Variants in SLIT3 observed in about 807,000 individuals in gnomAD.
SLIT3 encodes the protein slit homolog 3 protein.
A neutral mutation model predicts 184.0 loss-of-function variants in SLIT3; 68 were observed. The ratio of observed to expected loss-of-function variants is 0.37; its 90% CI spans 0.30 to 0.45. SLIT3 has a LOEUF of 0.45. Among genes scored for constraint, SLIT3 ranks in the 20% least tolerant of loss-of-function variants. SLIT3 has a pLI of 1.00. For missense variants in SLIT3, 1,707 were observed against 2,026.0 expected, an observed-to-expected ratio of 0.84 and a Z score of 3.02; for synonymous variants, 831 against 828.6, an observed-to-expected ratio of 1.00 and a Z score of -0.05.
chr5:168,810,420 C>A (rs1757122035), intron 8 of SLIT3, among the ~76,000 whole-genome samples: 1 of 152,154 alleles, frequency 6.6e-6, no homozygotes, highest in Non-Finnish European at 1.5e-5. Flanking sequence ...GGCTATAGAA[C>A]CCCTGTTATA....
chr5:169,162,217 A>G (rs983292537), intron 4 of SLIT3, among the ~76,000 whole-genome samples: 2 of 152,176 alleles, frequency 1.3e-5, no homozygotes, highest in Non-Finnish European at 2.9e-5. Flanking sequence ...AGTGGGGTCC[A>G]AGACCAGCTG....
chr5:169,300,161 C>G lies in SLIT3; in HGVS notation c.197+352G>C, dbSNP rs554894665. Among the ~76,000 whole-genome samples the G allele has an allele frequency of 6.6e-6, 1 of 152,198 alleles. No individual in the cohort carries two copies. Among genetic ancestry groups the G allele is most frequent in the Non-Finnish European group, 1.5e-5 (1 of 68,028 alleles). On this transcript the variant is annotated intron_variant, in intron 1 of 35. Transcript: ENST00000519560. This position sits in a 1 kb window ranked among gnomAD's most constrained non-coding sequence, Gnocchi z 4.1. The stretch of plus-strand genomic sequence containing the variant: ...CTCCTTCGCCCGCCCCCCTTTTTAA[C>G]GAGCGCAGACCCCTGACCCTCACCC...
intron 4 of SLIT3, among the ~76,000 whole-genome samples, chr5:169,108,059 C>T (rs1760283266): frequency 6.6e-6 from 1 of 152,220 alleles, no homozygotes; most frequent in Admixed American, 6.5e-5. Context: ...GCAGACCAGA[C>T]CATAGTTCCT....
chr5:168,873,544 C>T (rs575770382), intron 5 of SLIT3, among the ~76,000 whole-genome samples: 11 of 152,058 alleles, frequency 7.2e-5, no homozygotes, highest in African/African-American at 1.7e-4. Flanking sequence ...GGCAGAAGAT[C>T]GCTTGAGCCC....
chr5:168,997,883 G>A (rs141383896), intron 4 of SLIT3, among the ~76,000 whole-genome samples: 110 of 152,254 alleles, frequency 7.2e-4, no homozygotes, highest in African/African-American at 2.6e-3. Flanking sequence ...ACCCTTGCAT[G>A]GCTTTATCTG....
At chr5:168,752,060 C>A (rs951500307) in intron 18 of SLIT3, among the ~76,000 whole-genome samples, 8 of 152,148 alleles carry the variant, frequency 5.3e-5, no homozygotes, top group Non-Finnish European at 1.0e-4. Flanking sequence ...CTTTTTAAAA[C>A]CCCTGTCTGG....
At chr5:168,978,781 T>C (rs1314039044) in intron 4 of SLIT3, among the ~76,000 whole-genome samples, 1 of 152,184 alleles carries the variant, frequency 6.6e-6, no homozygotes, top group Non-Finnish European at 1.5e-5. Flanking sequence ...TTAGTCTCTG[T>C]TAAGTAAATT....
chr5:169,260,379 G>GTT (rs1561772619), intron 1 of SLIT3, among the ~76,000 whole-genome samples: 1 of 152,136 alleles, frequency 6.6e-6, no homozygotes, highest in Non-Finnish European at 1.5e-5. Flanking sequence ...AAAGGGCAAG[G>GTT]TTCTGTGCTT....
At chr5:168,882,195 C>T (rs1029033433) in intron 5 of SLIT3, among the ~76,000 whole-genome samples, 1 of 152,028 alleles carries the variant, frequency 6.6e-6, no homozygotes, top group African/African-American at 2.4e-5. Flanking sequence ...TCCCTTAAGA[C>T]GTCTCAAATT....
intron 4 of SLIT3, among the ~76,000 whole-genome samples, chr5:168,907,979 T>TATATATATAGAGAG (rs376418381): frequency 8.0e-5 from 4 of 50,082 alleles, no homozygotes; most frequent in Non-Finnish European, 1.3e-4. Context: ...TATATATATA[T>TATATATATAGAGAG]AGAGAGAGAG....
At chr5:169,142,080 AAAATAAATAAAT>A (rs765749214) in intron 4 of SLIT3, among the ~76,000 whole-genome samples, 74 of 42,764 alleles carry the variant, frequency 1.7e-3, no homozygotes, top group African/African-American at 3.8e-3. Context: ...AATAAAAATA[AAAATAAATAAAT>A]AAATAAATAA....
chr5:168,833,837 A>G (rs1174709523), intron 6 of SLIT3, among the ~76,000 whole-genome samples: 1 of 152,006 alleles, frequency 6.6e-6, no homozygotes, highest in Non-Finnish European at 1.5e-5. Flanking sequence ...TTTTTTTTTA[A>G]ATGAAGTGGT....
At chr5:169,003,061 G>A (rs951889498) in intron 4 of SLIT3, among the ~76,000 whole-genome samples, 3 of 152,178 alleles carry the variant, frequency 2.0e-5, no homozygotes, top group African/African-American at 7.2e-5. Flanking sequence ...GCTTACTGGG[G>A]TCATAGATTC....
intron 20 of SLIT3, among the ~76,000 whole-genome samples, chr5:168,746,467 C>T (rs150043107): frequency 0.19 from 2,926 of 15,640 alleles, 481 homozygotes; most frequent in Admixed American, 0.38. Flanking sequence ...TGGTGGTGTG[C>T]GGTGGTGTGG....
At chr5:168,953,005 G>A (rs1006713818) in intron 4 of SLIT3, among the ~76,000 whole-genome samples, 2 of 152,176 alleles carry the variant, frequency 1.3e-5, no homozygotes, top group Non-Finnish European at 2.9e-5. Flanking sequence ...TGCTGAGGAC[G>A]GGTCGGGGAG....
intron 4 of SLIT3, among the ~76,000 whole-genome samples, chr5:169,112,640 C>T (rs1760454098): frequency 7.3e-6 from 1 of 136,312 alleles, no homozygotes; most frequent in Non-Finnish European, 1.5e-5. Flanking sequence ...GCTCTTCACC[C>T]TCTACCCTTC....
At chr5:169,246,491 C>G (rs907776878) in intron 2 of SLIT3, among the ~76,000 whole-genome samples, 3 of 152,178 alleles carry the variant, frequency 2.0e-5, no homozygotes, top group African/African-American at 7.2e-5. Context: ...AGTGGGTTAA[C>G]TAGCCAACCT....
intron 4 of SLIT3, among the ~76,000 whole-genome samples, chr5:168,994,830 C>T (rs993612121): frequency 2.6e-5 from 4 of 151,262 alleles, no homozygotes; most frequent in Admixed American, 6.6e-5. Flanking sequence ...TTTCTAGAAA[C>T]GGGGTTTCAG....
intron 5 of SLIT3, among the ~76,000 whole-genome samples, chr5:168,872,729 C>T (rs1372367075): frequency 6.7e-6 from 1 of 150,170 alleles, no homozygotes; most frequent in Non-Finnish European, 1.5e-5. Flanking sequence ...ACCTCTGCCT[C>T]CCAGGTTCAA....
Sources: allele counts gnomAD v4.1 joint callset (sites outside exome capture counted in the v4.1 genomes callset), GRCh38; gene constraint gnomAD v4.1.1; non-coding constraint Gnocchi (gnomAD v3.1); transcripts MANE v1.5; gene names NCBI Gene and HGNC (gene_info 2026-07-23, HGNC 2026-07-21).